The following PCNX2 variants were observed in gnomAD, a reference collection of about 807,000 sequenced individuals.
The protein encoded by PCNX2 is pecanex 2.
A neutral mutation model predicts 223.8 loss-of-function variants in PCNX2; 168 were observed. The ratio of observed to expected loss-of-function variants is 0.75; its 90% CI spans 0.66 to 0.85. The LOEUF is 0.85. Ranked by LOEUF, PCNX2 falls within the 40% of genes least tolerant of loss-of-function variation. The probability of loss-of-function intolerance (pLI) is 0.00; values close to 1 mark genes in which losing one functional copy is unlikely to be tolerated. For missense variants in PCNX2, 2,507 were observed against 2,675.5 expected (o/e 0.94, Z 1.39); for synonymous variants, 1,006 against 1,052.6 (o/e 0.96, Z 0.86).
At chr1:233,029,501 T>G (rs1671194002) in intron 25 of PCNX2, among the ~76,000 whole-genome samples, 1 of 152,340 alleles carries the variant, frequency 6.6e-6, no homozygotes, top group East Asian at 1.9e-4. Context: ...TTCATTCTTT[T>G]GTGTAGAGTC....
chr1:233,094,380 A>G (rs996611851), intron 22 of PCNX2, among the ~76,000 whole-genome samples: 1 of 152,244 alleles, frequency 6.6e-6, no homozygotes, highest in Non-Finnish European at 1.5e-5. Context: ...GCTTTATAGA[A>G]AATGATTGCA....
At chr1:233,121,953 C>T (rs1243171344) in intron 21 of PCNX2, among the ~76,000 whole-genome samples, 1 of 152,018 alleles carries the variant, frequency 6.6e-6, no homozygotes, top group Non-Finnish European at 1.5e-5. Flanking sequence ...GTACCCAGAT[C>T]AAACTGTTTT....
chr1:233,281,992 G>C (rs1661215844), intron 1 of PCNX2, among the ~76,000 whole-genome samples: 1 of 152,102 alleles, frequency 6.6e-6, no homozygotes, highest in African/African-American at 2.4e-5. Context: ...TCCAGATAGT[G>C]TGCCCTTTTT....
intron 21 of PCNX2, among the ~76,000 whole-genome samples, chr1:233,116,876 ATAAAAT>A (rs1489075934): frequency 6.6e-6 from 1 of 152,136 alleles, no homozygotes; most frequent in African/African-American, 2.4e-5. Flanking sequence ...GAAAAGATAA[ATAAAAT>A]TAAGAAATCT....
intron 1 of PCNX2, among the ~76,000 whole-genome samples, chr1:233,269,581 G>C (rs1660523387): frequency 1.3e-5 from 2 of 152,192 alleles, no homozygotes; most frequent in African/African-American, 4.8e-5. Flanking sequence ...TCAATATACT[G>C]TCAGAGAAGG....
At chr1:233,259,467 T>C in intron 4 of PCNX2, 123 bp from the exon 5 acceptor site, 1 of 1,342,242 alleles carries the variant, frequency 7.5e-7, no homozygotes, top group Non-Finnish European at 9.9e-7. Flanking sequence ...AGATACTTTT[T>C]TAATTTTACT....
intron 12 of PCNX2, among the ~76,000 whole-genome samples, chr1:233,217,600 C>A (rs985378439): frequency 2.0e-5 from 3 of 152,092 alleles, no homozygotes; most frequent in Admixed American, 6.5e-5. Context: ...GCAACGTCTG[C>A]GGTCTTCCCC....
At chr1:233,287,712 G>A (rs912933502) in intron 1 of PCNX2, among the ~76,000 whole-genome samples, 1 of 152,184 alleles carries the variant, frequency 6.6e-6, no homozygotes, top group Admixed American at 6.5e-5. Flanking sequence ...ATTGTAAAAT[G>A]ACCTGTTAGA....
In PCNX2 at chr1:233,179,182, A is replaced by AAAAG. The variant is rs1323707107; in HGVS notation, c.3067-11_3067-8dup. 1.2e-6 allele frequency: 2 copies of AAAAG among 1,613,374 alleles called. No individual in the cohort carries two copies. Among genetic ancestry groups the AAAAG allele is most frequent in the Admixed American group, 1.7e-5 (1 of 59,988 alleles). The stretch of plus-strand genomic sequence containing the variant: ...GTTGCATGCTCCACGGTTCCTAAAG[A>AAAAG]AAAGACATCAGTTAGCCAAGTCACT... On this transcript the variant is annotated splice_polypyrimidine_tract_variant and splice_region_variant and intron_variant, in intron 15 of 33. Transcript: ENST00000258229.
intron 28 of PCNX2, among the ~76,000 whole-genome samples, chr1:233,007,958 C>T (rs978489951): frequency 1.2e-4 from 18 of 152,166 alleles, no homozygotes; most frequent in Admixed American, 1.1e-3. Flanking sequence ...AGATTACAGG[C>T]GTGAGCCACC....
At chr1:233,236,268 C>T (rs1205261075) in intron 9 of PCNX2, among the ~76,000 whole-genome samples, 2 of 152,030 alleles carry the variant, frequency 1.3e-5, no homozygotes, top group African/African-American at 4.8e-5. Flanking sequence ...CCCATGTTAT[C>T]TCTGGCTTTG....
intron 32 of PCNX2, 147 bp downstream of exon 32, chr1:232,998,104 C>T (rs796287561): frequency 1.3e-6 from 1 of 760,658 alleles, no homozygotes. Flanking sequence ...CTGAGCAGAA[C>T]CTACAAGAGT....
intron 17 of PCNX2, among the ~76,000 whole-genome samples, chr1:233,175,439 T>G (rs1238647406): frequency 6.6e-6 from 1 of 152,218 alleles, no homozygotes; most frequent in African/African-American, 2.4e-5. Flanking sequence ...CTTGTCAAAT[T>G]TCCTTGTAAT....
chr1:232,999,828 C>T (rs994028971), intron 30 of PCNX2, among the ~76,000 whole-genome samples: 8 of 152,148 alleles, frequency 5.3e-5, no homozygotes, highest in African/African-American at 1.9e-4. Flanking sequence ...TCCTGCAAGA[C>T]GGATATGATG....
intron 10 of PCNX2, 39 bp downstream of exon 10, chr1:233,227,187 G>A: frequency 1.3e-6 from 2 of 1,563,104 alleles, no homozygotes; most frequent in Non-Finnish European, 1.7e-6. Context: ...CGTCCCCGGT[G>A]TGCCTTCCGA....
At chr1:233,277,457 A>G (rs1660974391) in intron 1 of PCNX2, among the ~76,000 whole-genome samples, 1 of 152,210 alleles carries the variant, frequency 6.6e-6, no homozygotes, top group African/African-American at 2.4e-5. Flanking sequence ...GCATCACAGA[A>G]GTGGGCTTGC....
chr1:233,160,090 C>T (rs572945487), intron 19 of PCNX2, among the ~76,000 whole-genome samples, 193 bp downstream of exon 19: 1 of 152,262 alleles, frequency 6.6e-6, no homozygotes, highest in Non-Finnish European at 1.5e-5. Context: ...GGAACAAATA[C>T]CATATACTCT....
chr1:233,132,188 C>T (rs1307745653), intron 21 of PCNX2, among the ~76,000 whole-genome samples: 1 of 152,122 alleles, frequency 6.6e-6, no homozygotes, highest in Non-Finnish European at 1.5e-5. Flanking sequence ...AATCCACCCT[C>T]CTGACTTCAG....
In PCNX2 at chr1:233,113,324, A is replaced by C. The variant is rs1228518854; in HGVS notation, c.3838-17461T>G. Among the ~76,000 whole-genome samples, 3 of 152,300 alleles carry C rather than the reference A, an allele frequency of 2.0e-5. No homozygotes were observed. The East Asian group carries it at 5.8e-4, about 29-fold the overall frequency. On this transcript the variant is annotated intron_variant, in intron 21 of 33. Transcript: ENST00000258229. The stretch of plus-strand genomic sequence containing the variant: ...GCTGAACAAGATTCATAAGAAGCCA[A>C]GAAAATCAAAACATACACCTTGAGA...
Sources: gnomAD v4.1 joint callset for allele counts (sites outside exome capture counted in the v4.1 genomes callset) on GRCh38, gnomAD v4.1.1 for gene constraint, MANE v1.5 for transcripts, NCBI Gene and HGNC (gene_info 2026-07-23, HGNC 2026-07-21) for gene names.